GLIS3: variants seen among roughly 807,000 people sequenced by gnomAD.
The protein encoded by GLIS3 is GLIS family zinc finger 3, also known as zinc finger protein GLIS3.
In GLIS3, 53 loss-of-function variants were observed where a neutral mutation model predicts 78.6. That is an observed-to-expected ratio of 0.67 (90% confidence interval 0.54 to 0.85). GLIS3 has a LOEUF of 0.85. GLIS3 is among the 40% of genes least tolerant of loss of function. The pLI is 0.00. For missense variants in GLIS3, 1,703 were observed against 1,231.1 expected, an observed-to-expected ratio of 1.38 and a Z score of -5.74; for synonymous variants, 684 against 509.9, an observed-to-expected ratio of 1.34 and a Z score of -4.60.
At chr9:4,393,921 T>C in the GLIS3 span, among the ~76,000 whole-genome samples, 7 of 152,144 alleles carry the variant, frequency 4.6e-5, no homozygotes, top group Admixed American at 2.0e-4. Context: ...TCTATGACCT[T>C]TATGACCCAG....
chr9:3,952,708 T>A (rs115969926), intron 4 of GLIS3, among the ~76,000 whole-genome samples: 105 of 152,310 alleles, frequency 6.9e-4, no homozygotes, highest in African/African-American at 2.4e-3. Flanking sequence ...AAACAACACA[T>A]AATATCTGAA....
At chr9:4,082,986 T>C (rs1378997099) in intron 4 of GLIS3, among the ~76,000 whole-genome samples, 1 of 152,220 alleles carries the variant, frequency 6.6e-6, no homozygotes, top group African/African-American at 2.4e-5. Context: ...TACCTTGTTC[T>C]CTGCAAGTGC....
chr9:4,066,540 C>G (rs1827113976), intron 4 of GLIS3, among the ~76,000 whole-genome samples: 1 of 152,182 alleles, frequency 6.6e-6, no homozygotes, highest in Non-Finnish European at 1.5e-5. Flanking sequence ...GGATTTCTGA[C>G]CAGGTAATGT....
At chr9:4,084,256 A>ACCAC in intron 4 of GLIS3, among the ~76,000 whole-genome samples, 1 of 132,120 alleles carries the variant, frequency 7.6e-6, no homozygotes, top group African/African-American at 2.8e-5. Flanking sequence ...TCCTCTCTCT[A>ACCAC]ACACACACAC....
At chr9:4,328,855 T>C (rs1817640990) in intron 2 of GLIS3, among the ~76,000 whole-genome samples, 1 of 152,174 alleles carries the variant, frequency 6.6e-6, no homozygotes, top group East Asian at 1.9e-4. Context: ...ATCCAATAAA[T>C]GTTCACTGTT....
At chr9:4,417,856 T>C in the GLIS3 span, among the ~76,000 whole-genome samples, 1 of 152,194 alleles carries the variant, frequency 6.6e-6, no homozygotes, top group African/African-American at 2.4e-5. Context: ...AGCTTCCCCC[T>C]TTTCTCCAAA....
Position 3,979,126 on chromosome 9 carries a change from TG to T in GLIS3, c.1711-41938del, listed in dbSNP as rs773897090. ...ACCATATATTATATCACTGTTCTAATGGGTAGAGAATATGTTTCTTAGAAGC... is the reference window on the plus strand; with the variant it reads ...ACCATATATTATATCACTGTTCTAATGGTAGAGAATATGTTTCTTAGAAGC... On this transcript the variant is annotated intron_variant, in intron 4 of 10. Transcript: ENST00000381971. Among the ~76,000 whole-genome samples the T allele has an allele frequency of 1.2e-4, 18 of 152,308 alleles. No individual in the cohort carries two copies. In the South Asian group the frequency reaches 3.3e-3, roughly 28 times the overall value.
At chr9:4,182,533 C>A (rs899367120) in intron 2 of GLIS3, among the ~76,000 whole-genome samples, 1 of 152,150 alleles carries the variant, frequency 6.6e-6, no homozygotes, top group African/African-American at 2.4e-5. Context: ...GGATTAAAAA[C>A]TGAGAAAAGA....
chr9:4,439,647 T>C, the GLIS3 span, among the ~76,000 whole-genome samples: 379 of 152,342 alleles, frequency 2.5e-3, 3 homozygotes, highest in African/African-American at 8.5e-3. Context: ...TGTTTAGATT[T>C]CACATGAGAG....
upstream of GLIS3, among the ~76,000 whole-genome samples, chr9:4,302,072 T>C (rs1260030615): frequency 6.6e-6 from 1 of 152,166 alleles, no homozygotes; most frequent in Non-Finnish European, 1.5e-5. Context: ...GCAGTTGTTC[T>C]TGTACCAGTA....
At chr9:4,446,829 T>C in the GLIS3 span, among the ~76,000 whole-genome samples, 1 of 151,998 alleles carries the variant, frequency 6.6e-6, no homozygotes, top group Non-Finnish European at 1.5e-5. Flanking sequence ...TTTCTCATGA[T>C]GTGAAAGTGC....
At chr9:4,141,358 G>A (rs922139844) in intron 2 of GLIS3, among the ~76,000 whole-genome samples, 3 of 152,144 alleles carry the variant, frequency 2.0e-5, no homozygotes, top group Non-Finnish European at 4.4e-5. Context: ...AGACCTTCGG[G>A]CCTGGGCTCC....
rs545671295 is a variant in GLIS3 at position 4,180,592 on chromosome 9, T to A, written c.389-54651A>T. Among the ~76,000 whole-genome samples the A allele has an allele frequency of 1.8e-4, 28 of 152,318 alleles. No individual in the cohort carries two copies. The East Asian group carries it at 2.3e-3, about 13-fold the overall frequency. On this transcript the variant is annotated intron_variant, in intron 2 of 10. Coordinates refer to ENST00000381971, the MANE Select transcript of GLIS3 (RefSeq NM_001042413.2). ...TATTTAGTTTCTGTAAACTTTCTCT[T>A]TCCAATTTTAATCTGAGGATTGTGT...
At chr9:4,203,684 G>C (rs1338738071) in intron 2 of GLIS3, among the ~76,000 whole-genome samples, 1 of 152,138 alleles carries the variant, frequency 6.6e-6, no homozygotes, top group Non-Finnish European at 1.5e-5. Context: ...ATTCACAATA[G>C]CAAAGACATG....
chr9:4,126,059 T>C, intron 2 of GLIS3, 118 bp from the exon 3 acceptor site: 1 of 776,230 alleles, frequency 1.3e-6, no homozygotes, highest in Non-Finnish European at 2.2e-6. Context: ...GATCATTTTT[T>C]TTTTTAGTAT....
intron 4 of GLIS3, among the ~76,000 whole-genome samples, chr9:4,097,518 C>T (rs891595059): frequency 3.9e-5 from 6 of 152,084 alleles, no homozygotes; most frequent in South Asian, 2.1e-4. Flanking sequence ...CTCTTAGGAC[C>T]ACCTCCGCCA....
intron 9 of GLIS3, among the ~76,000 whole-genome samples, chr9:3,835,895 T>C (rs1041824007): frequency 6.6e-6 from 1 of 152,220 alleles, no homozygotes; most frequent in Non-Finnish European, 1.5e-5. Context: ...TCCATGCCTT[T>C]TTGGAGCCTG....
chr9:3,861,616 T>C (rs1165614863), intron 8 of GLIS3, among the ~76,000 whole-genome samples: 3 of 152,110 alleles, frequency 2.0e-5, no homozygotes, highest in Non-Finnish European at 4.4e-5. Flanking sequence ...TAAAAAGGAA[T>C]GAGATCATGT....
chr9:4,478,440 C>A, the GLIS3 span, among the ~76,000 whole-genome samples: 1 of 152,088 alleles, frequency 6.6e-6, no homozygotes, highest in Non-Finnish European at 1.5e-5. Context: ...GTGAAACCCC[C>A]TCTCTACTAA....
Sources: allele counts gnomAD v4.1 joint callset (sites outside exome capture counted in the v4.1 genomes callset), GRCh38; gene constraint gnomAD v4.1.1; transcripts MANE v1.5; gene names NCBI Gene and HGNC (gene_info 2026-07-23, HGNC 2026-07-21).